ARID2: variants seen among roughly 807,000 people sequenced by gnomAD.
ARID2 encodes the protein AT-rich interactive domain-containing protein 2.
Under a neutral mutation model 184.6 loss-of-function variants are expected in ARID2, and 32 were observed. The observed-to-expected ratio is 0.17, with a 90% CI of 0.13 to 0.23. The LOEUF is 0.23. Among genes scored for constraint, ARID2 ranks in the 10% least tolerant of loss-of-function variants. The pLI, the probability that ARID2 is intolerant of heterozygous loss-of-function variation, is 1.00. For synonymous variants in ARID2, 836 were observed against 772.6 expected (o/e 1.08, Z -1.36); for missense variants, 1,696 against 2,197.6 (o/e 0.77, Z 4.56).
At chr12:45,883,952 A>G (rs1466369743) in intron 16 of ARID2, among the ~76,000 whole-genome samples, 6 of 152,326 alleles carry the variant, frequency 3.9e-5, no homozygotes, top group East Asian at 1.9e-4. Context: ...ATGTGCTAGC[A>G]TATCTTTCAA....
rs2138137729 is a variant in ARID2, at chr12:45,839,491, C to G, written c.1493C>G (p.Ala498Gly). The G allele has an allele frequency of 1.9e-6, 3 of 1,609,442 alleles. No homozygotes were observed. The highest frequency in any genetic ancestry group is 2.5e-6 in the Non-Finnish European group (3 of 1,178,478). The change falls in exon 11 of 21, where the codon GCC becomes GGC. Residue 498 changes from alanine to glycine, a missense_variant. Around this residue, in one of 11 missense-constraint regions of ARID2, gnomAD observed 713 missense variants for 824.4 expected, o/e 0.86. Coordinates refer to ENST00000334344, the MANE Select transcript of ARID2 (RefSeq NM_152641.4). ...QVQTQTHVAS[A>G]PASRAVVAQH... ...CAAACCCAGACTCATGTAGCATCTG[C>G]CCCAGGTTAGTGTTTTCACATATTC...
chr12:45,796,340 C>T (rs1942393278), intron 3 of ARID2, among the ~76,000 whole-genome samples: 1 of 151,870 alleles, frequency 6.6e-6, no homozygotes, highest in South Asian at 2.1e-4. Context: ...ATGGACTTTT[C>T]TTGCATAAAA....
At chr12:45,830,547 C>T (rs1365260772) in intron 6 of ARID2, among the ~76,000 whole-genome samples, 1 of 152,104 alleles carries the variant, frequency 6.6e-6, no homozygotes, top group East Asian at 1.9e-4. Flanking sequence ...TCCTAATTCC[C>T]CACTTCATAA....
intron 3 of ARID2, among the ~76,000 whole-genome samples, chr12:45,744,852 A>G (rs1438858026): frequency 3.3e-5 from 5 of 152,214 alleles, no homozygotes; most frequent in East Asian, 1.9e-4. Flanking sequence ...GTTTTTACAT[A>G]GTATATTTGA....
At chr12:45,736,205 A>C (rs1941116868) in intron 3 of ARID2, among the ~76,000 whole-genome samples, 1 of 152,142 alleles carries the variant, frequency 6.6e-6, no homozygotes, top group Admixed American at 6.5e-5. Context: ...AAAATACAAA[A>C]AATTAGCTAG....
At chr12:45,897,998 A>T (rs1437070804) in intron 20 of ARID2, among the ~76,000 whole-genome samples, 1 of 151,990 alleles carries the variant, frequency 6.6e-6, no homozygotes, top group Non-Finnish European at 1.5e-5. Context: ...AGGTCTCACC[A>T]TGTTGTGCAG....
rs1488470682 is a variant in ARID2, at chr12:45,860,846, C to T, written c.4819C>T (p.Pro1607Ser). The change falls in exon 16 of 21, where the codon CCT (proline) becomes TCT (serine). Residue 1607 changes from proline (P) to serine (S), a missense_variant. By Grantham distance (74) the Pro-to-Ser change is moderately conservative (BLOSUM62 -1). This residue lies in a region of ARID2 where 111 missense variants were observed against 154.0 expected (regional missense o/e 0.72). Coordinates refer to ENST00000334344, the MANE Select transcript of ARID2 (RefSeq NM_152641.4). ...PSPAVQVQGQ[P>S]NSSQPSPFSG... ...ACCAGCTGTACAAGTGCAGGGCCAG[C>T]CTAACAGTTCTCAGCCTTCTCCATT... 1.9e-6 allele frequency: 3 copies of T among 1,608,280 alleles called. No homozygotes were observed. The highest frequency in any genetic ancestry group is 1.3e-5 in the African/African-American group (1 of 74,688).
intron 4 of ARID2, among the ~76,000 whole-genome samples, chr12:45,815,544 T>C (rs1280991388): frequency 6.6e-6 from 1 of 152,202 alleles, no homozygotes; most frequent in African/African-American, 2.4e-5. Flanking sequence ...TTACATGATA[T>C]TCTTCTGTGG....
chr12:45,906,195 T>C lies in ARID2; in HGVS notation c.*1117T>C, dbSNP rs575843278. 1.1e-4 allele frequency: 26 copies of C among 232,852 alleles called. 2 individuals carry two copies. The South Asian group carries it at 4.7e-3, about 42-fold the overall frequency. 14.4% of individuals were successfully genotyped at this position (232,852 alleles called of 1,614,324 possible). The stretch of plus-strand genomic sequence containing the variant: ...TACAGGTTTTCTCCTGTGTTATATA[T>C]GCATTATGTGCAGGTATGATATTTT... On this transcript the variant is annotated 3_prime_UTR_variant, in exon 21 of 21. Coordinates refer to ENST00000334344, the MANE Select transcript of ARID2 (RefSeq NM_152641.4).
At chr12:45,799,499 T>G (rs564025882) in intron 3 of ARID2, among the ~76,000 whole-genome samples, 1 of 152,352 alleles carries the variant, frequency 6.6e-6, no homozygotes, top group African/African-American at 2.4e-5. Flanking sequence ...CCATCAATTT[T>G]TCTTGCAAAA....
intron 3 of ARID2, among the ~76,000 whole-genome samples, chr12:45,758,620 A>G (rs1404168815): frequency 6.6e-6 from 1 of 152,162 alleles, no homozygotes; most frequent in Admixed American, 6.5e-5. Flanking sequence ...TAACAGTCCA[A>G]ACATAAATAG....
intron 6 of ARID2, among the ~76,000 whole-genome samples, chr12:45,825,275 A>G (rs1404437138): frequency 6.6e-6 from 1 of 152,200 alleles, no homozygotes; most frequent in Non-Finnish European, 1.5e-5. Context: ...TGATAAATAT[A>G]TGAGGTGATG....
At chr12:45,845,903 A>G (rs1017932558) in intron 11 of ARID2, 1 of 152,228 alleles carries the variant, frequency 6.6e-6, no homozygotes, top group Non-Finnish European at 1.5e-5. Flanking sequence ...TCAATAGTGA[A>G]AAAAGGATAA....
chr12:45,862,887 A>G (rs969799054), intron 16 of ARID2, among the ~76,000 whole-genome samples: 3 of 118,500 alleles, frequency 2.5e-5, no homozygotes, highest in African/African-American at 8.7e-5. Flanking sequence ...TTCTTAGAGC[A>G]TGCCATTTTT....
chr12:45,831,808 C>G (rs549520204), intron 6 of ARID2, among the ~76,000 whole-genome samples: 1 of 152,078 alleles, frequency 6.6e-6, no homozygotes, highest in African/African-American at 2.4e-5. Flanking sequence ...TTTTACCTTA[C>G]GTCTTTTGAA....
intron 6 of ARID2, among the ~76,000 whole-genome samples, chr12:45,833,768 A>G (rs1051843425): frequency 2.0e-5 from 3 of 152,200 alleles, no homozygotes; most frequent in African/African-American, 4.8e-5. Flanking sequence ...TCTCTATTCT[A>G]GGAATTGTTT....
At chr12:45,882,544 G>T in intron 16 of ARID2, among the ~76,000 whole-genome samples, 1 of 152,304 alleles carries the variant, frequency 6.6e-6, no homozygotes, top group Non-Finnish European at 1.5e-5. Flanking sequence ...CTAAAGACGA[G>T]CTGAATGTTA....
chr12:45,738,779 C>CTTTTTTTTTTT (rs11333868), intron 3 of ARID2, among the ~76,000 whole-genome samples: 2 of 62,292 alleles, frequency 3.2e-5, no homozygotes, highest in African/African-American at 8.5e-5. Flanking sequence ...ATATGGGCTA[C>CTTTTTTTTTTT]TTTTTTTTTT....
rs753100698 is a variant in ARID2 at position 45,893,407 on chromosome 12, CTG to C, written c.5148-12_5148-11del. On this transcript the variant is annotated splice_polypyrimidine_tract_variant and intron_variant, in intron 18 of 20. Transcript: ENST00000334344. Reference sequence around the variant, plus strand: ...GTTAATTCTCTCTCTCTCTCTCTCTCTGATCAATTTAGGCAGCCAACTGTAGG... The same window carrying C: ...GTTAATTCTCTCTCTCTCTCTCTCTCATCAATTTAGGCAGCCAACTGTAGG... 1 of 1,602,026 alleles carries C rather than the reference CTG, an allele frequency of 6.2e-7. No homozygotes were observed. The highest frequency in any genetic ancestry group is 8.5e-7 in the Non-Finnish European group (1 of 1,174,074).
Sources: gnomAD v4.1 joint callset for allele counts (sites outside exome capture counted in the v4.1 genomes callset) on GRCh38, gnomAD v4.1.1 for gene constraint, gnomAD v4.1.1 regional missense constraint, MANE v1.5 for transcripts, NCBI Gene and HGNC (gene_info 2026-07-23, HGNC 2026-07-21) for gene names.